The following NCOA2 variants were observed in gnomAD, a reference collection of about 807,000 sequenced individuals.
NCOA2 encodes nuclear receptor coactivator 2, also known as class E basic helix-loop-helix protein 75.
In NCOA2, 21 loss-of-function variants were observed where a neutral mutation model predicts 145.1. That is an observed-to-expected ratio of 0.14 (90% CI 0.10 to 0.21). The LOEUF (loss-of-function observed/expected upper bound fraction) is 0.21, where lower values mean the gene tolerates loss of function less well. Among genes scored for constraint, NCOA2 ranks in the 10% least tolerant of loss-of-function variants. The probability of loss-of-function intolerance (pLI) is 1.00; values close to 1 mark genes in which losing one functional copy is unlikely to be tolerated. For missense variants in NCOA2, 1,472 were observed against 1,837.6 expected (o/e 0.80, Z 3.64); for synonymous variants, 619 against 637.5 (o/e 0.97, Z 0.44).
intron 2 of NCOA2, among the ~76,000 whole-genome samples, chr8:70,278,116 C>T (rs1018173673): frequency 3.3e-5 from 5 of 152,190 alleles, no homozygotes; most frequent in African/African-American, 1.2e-4. Context: ...TCTATCTCTA[C>T]AGCATTGCCT....
At chr8:70,185,011 T>C (rs1411456259) in intron 4 of NCOA2, among the ~76,000 whole-genome samples, 1 of 152,198 alleles carries the variant, frequency 6.6e-6, no homozygotes, top group Admixed American at 6.5e-5. Flanking sequence ...TCAGACCTGC[T>C]TGCATTTCTC....
intron 4 of NCOA2, among the ~76,000 whole-genome samples, chr8:70,188,812 ATATTT>A (rs1816357419): frequency 6.6e-6 from 1 of 152,232 alleles, no homozygotes; most frequent in South Asian, 2.1e-4. Flanking sequence ...AAAGAAAAGT[ATATTT>A]TATTAAAATT....
the NCOA2 span, among the ~76,000 whole-genome samples, chr8:70,449,534 C>T: frequency 6.6e-6 from 1 of 152,190 alleles, no homozygotes; most frequent in Non-Finnish European, 1.5e-5. Flanking sequence ...GGAACACGAC[C>T]AGGGAGAGAG....
intron 2 of NCOA2, among the ~76,000 whole-genome samples, chr8:70,285,696 T>G (rs1826186004): frequency 6.6e-6 from 1 of 152,238 alleles, no homozygotes; most frequent in Non-Finnish European, 1.5e-5. Context: ...TAGGACTATA[T>G]ATATTGCTTC....
At position 70,124,001 on chromosome 8, in the gene NCOA2, C is replaced by A. The variant is rs777693529; in HGVS notation, c.4176G>T (p.Val1392=). 1 of 1,614,022 alleles carries A rather than the reference C, an allele frequency of 6.2e-7. No homozygotes were observed. Among genetic ancestry groups the A allele is most frequent in the South Asian group, 1.1e-5 (1 of 91,078 alleles). Residue 1392 remains valine, a synonymous_variant, in exon 21 of 23, where the codon GTG becomes GTT. Transcript: ENST00000452400. ...TGCCACCTGTGTTGGTCGCCATGGA[C>A]ACATTGATGTTCATGTTGTTACTGT... is the stretch of plus-strand genomic sequence containing the variant. ...SMYSNNMNIN[V]SMATNTGGMS... is the part of the protein sequence containing the mutation.
intron 1 of NCOA2, among the ~76,000 whole-genome samples, chr8:70,338,838 A>G (rs984776181): frequency 6.6e-6 from 1 of 152,144 alleles, no homozygotes; most frequent in Admixed American, 6.5e-5. Flanking sequence ...AACTGCACTA[A>G]AGACAAAAAA....
chr8:70,284,453 G>C (rs1282384564), intron 2 of NCOA2, among the ~76,000 whole-genome samples: 1 of 152,182 alleles, frequency 6.6e-6, no homozygotes, highest in Non-Finnish European at 1.5e-5. Flanking sequence ...AAATTTTGTA[G>C]TTGTTTATCC....
chr8:70,405,857 G>A (rs747221240), upstream of NCOA2, among the ~76,000 whole-genome samples: 1 of 151,934 alleles, frequency 6.6e-6, no homozygotes, highest in Non-Finnish European at 1.5e-5. Context: ...CCAATAAAAC[G>A]TCTTACGACG....
intron 1 of NCOA2, among the ~76,000 whole-genome samples, chr8:70,348,101 A>G (rs1478269519): frequency 2.0e-5 from 3 of 152,254 alleles, no homozygotes; most frequent in Non-Finnish European, 4.4e-5. Context: ...CAAGTAAACA[A>G]TTGGCTACAA....
At chr8:70,167,976 A>T (rs1334380148) in intron 6 of NCOA2, among the ~76,000 whole-genome samples, 1 of 152,252 alleles carries the variant, frequency 6.6e-6, no homozygotes, top group Non-Finnish European at 1.5e-5. Context: ...GTTCTTTTCT[A>T]TATCATTCCT....
intron 4 of NCOA2, among the ~76,000 whole-genome samples, chr8:70,205,631 A>G (rs1818356166): frequency 6.6e-6 from 1 of 152,118 alleles, no homozygotes; most frequent in African/African-American, 2.4e-5. Flanking sequence ...ATTCCCAAAC[A>G]GAAGACCCAG....
At chr8:70,397,501 G>C (rs1813786308) in intron 1 of NCOA2, among the ~76,000 whole-genome samples, 1 of 149,242 alleles carries the variant, frequency 6.7e-6, no homozygotes, top group Admixed American at 6.7e-5. Flanking sequence ...GCTACATCTA[G>C]AAAAACTGAC....
chr8:70,406,374 A>G (rs945924694), upstream of NCOA2, among the ~76,000 whole-genome samples: 1 of 152,236 alleles, frequency 6.6e-6, no homozygotes, highest in Non-Finnish European at 1.5e-5. Flanking sequence ...GTGAATCATC[A>G]CTATGATAAT....
intron 2 of NCOA2, among the ~76,000 whole-genome samples, chr8:70,220,053 G>A (rs533293720): frequency 3.3e-5 from 5 of 152,276 alleles, no homozygotes; most frequent in African/African-American, 1.2e-4. Context: ...CACTCATAGA[G>A]AAATATCTAA....
Position 70,126,882 on chromosome 8 carries a change from G to A in NCOA2, c.3847C>T (p.Pro1283Ser), listed in dbSNP as rs746882255. ...ATCCGAGGGTTGCTCATAGTTGCTG[G>A]CATACCACTAGGAGCCACCATGCTT... The part of the protein sequence containing the change: ...TPSMVAPSGM[P>S]ATMSNPRIPQ... Residue 1283 changes from proline to serine, a missense_variant, in exon 19 of 23, where the codon CCA becomes TCA. Transcript: ENST00000452400. 1 of 1,613,958 alleles carries A rather than the reference G, an allele frequency of 6.2e-7. No homozygotes were observed. Among genetic ancestry groups the A allele is most frequent in the Non-Finnish European group, 8.5e-7 (1 of 1,179,872 alleles).
upstream of NCOA2, among the ~76,000 whole-genome samples, chr8:70,407,909 T>A (rs1380004313): frequency 6.6e-6 from 1 of 152,198 alleles, no homozygotes; most frequent in Non-Finnish European, 1.5e-5. Context: ...TCAGTCTTAT[T>A]TTGTTACTTT....
At position 70,110,166 on chromosome 8, in the gene NCOA2, C is replaced by T. The variant is rs78216254; in HGVS notation, c.*3466G>A. 3,783 of 201,262 alleles carry T rather than the reference C, an allele frequency of 0.019. 140 individuals carry two copies. The highest frequency in any genetic ancestry group is 0.083 in the African/African-American group (3,606 of 43,600). 12.5% of individuals were successfully genotyped at this position (201,262 alleles called of 1,614,324 possible). A position where few individuals can be genotyped will look rare whatever the true frequency, so the allele number is the denominator to read the frequency against. The stretch of plus-strand genomic sequence containing the variant: ...CTGTACAAATAAAACTCACAAATGA[C>T]AAAGGAAAAAAATGACAGTTAAATG... On this transcript the variant is annotated 3_prime_UTR_variant, in exon 23 of 23. Transcript: ENST00000452400.
At position 70,148,439 on chromosome 8, in the gene NCOA2, C is replaced by T. The variant is rs752639493; in HGVS notation, c.2439G>A (p.Leu813=). ...AAAGCTGTGGTAATTGACTATTCTG[C>T]AAATCATCCAAAATCTCCTCCAAGT... ...LDNLEEILDD[L]QNSQLPQLFP... The change falls in exon 12 of 23, where the codon TTG becomes TTA. Residue 813 remains leucine, a synonymous_variant. Transcript: ENST00000452400. 2 of 1,613,658 alleles carry T rather than the reference C, an allele frequency of 1.2e-6. No individual in the cohort carries two copies. Among genetic ancestry groups the T allele is most frequent in the Non-Finnish European group, 8.5e-7 (1 of 1,179,886 alleles).
chr8:70,270,919 T>C (rs910749043), intron 2 of NCOA2, among the ~76,000 whole-genome samples: 1 of 152,172 alleles, frequency 6.6e-6, no homozygotes, highest in Admixed American at 6.5e-5. Flanking sequence ...TTTGAACACA[T>C]ACCTATGAGC....
Sources: allele counts gnomAD v4.1 joint callset (sites outside exome capture counted in the v4.1 genomes callset), GRCh38; gene constraint gnomAD v4.1.1; transcripts MANE v1.5; gene names NCBI Gene and HGNC (gene_info 2026-07-23, HGNC 2026-07-21).